Variants in MEIKIN observed in about 807,000 individuals in gnomAD.
MEIKIN encodes the protein meiotic kinetochore factor, also known as meiosis-specific kinetochore protein.
chr5:131,818,372 T>A (rs1773140887), intron 12 of MEIKIN, among the ~76,000 whole-genome samples: 1 of 152,226 alleles, frequency 6.6e-6, no homozygotes, highest in South Asian at 2.1e-4. Context: ...AGTATCTGTC[T>A]TTCAAAAAAT....
At chr5:131,872,123 C>G (rs1355564605) in intron 9 of MEIKIN, among the ~76,000 whole-genome samples, 1 of 152,176 alleles carries the variant, frequency 6.6e-6, no homozygotes, top group Non-Finnish European at 1.5e-5. Context: ...AGCTCCTCAC[C>G]AGCAACGGAA....
chr5:131,822,880 C>A (rs1749543837), intron 11 of MEIKIN, among the ~76,000 whole-genome samples: 1 of 151,120 alleles, frequency 6.6e-6, no homozygotes, highest in Admixed American at 6.6e-5. Context: ...TTGATGAAAT[C>A]CCTCAGCTTT....
intron 5 of MEIKIN, among the ~76,000 whole-genome samples, chr5:131,923,655 T>A (rs1751543654): frequency 6.6e-6 from 1 of 151,960 alleles, no homozygotes; most frequent in African/African-American, 2.4e-5. Context: ...CATAGCATCC[T>A]ATTCTTATTT....
chr5:131,910,027 A>C (rs1411490712), intron 8 of MEIKIN, among the ~76,000 whole-genome samples: 1 of 152,182 alleles, frequency 6.6e-6, no homozygotes, highest in East Asian at 1.9e-4. Flanking sequence ...TCGAAAACAT[A>C]AAAATAGAGG....
intron 8 of MEIKIN, among the ~76,000 whole-genome samples, chr5:131,905,440 C>A (rs1751227546): frequency 6.6e-6 from 1 of 151,168 alleles, no homozygotes; most frequent in Non-Finnish European, 1.5e-5. Context: ...AATAAATAAC[C>A]AAAATCAGAC....
At chr5:131,902,436 TA>T (rs913247184) in intron 8 of MEIKIN, among the ~76,000 whole-genome samples, 62 of 144,812 alleles carry the variant, frequency 4.3e-4, no homozygotes, top group Non-Finnish European at 4.3e-4. Flanking sequence ...TTTCTCAATT[TA>T]AAAAAAAAAA....
rs151239735 is a variant in MEIKIN at position 131,943,293 on chromosome 5, C to T, written c.289-598G>A. Among the ~76,000 whole-genome samples the T allele has an allele frequency of 3.2e-3, 484 of 152,214 alleles. 3 individuals are homozygous for T. Among genetic ancestry groups the T allele is most frequent in the African/African-American group, 0.011 (461 of 41,526 alleles). ...TATCTATCTATTTCATATATATACA[C>T]ACACATATATATAAAAGTTTCAGGT... On this transcript the variant is annotated intron_variant, in intron 3 of 12. Transcript: ENST00000442687.
chr5:131,818,641 A>G (rs1156403992), intron 12 of MEIKIN, 99 bp downstream of exon 12: 2 of 379,158 alleles, frequency 5.3e-6, no homozygotes, highest in Admixed American at 4.5e-5. Flanking sequence ...CTCTTAGAAT[A>G]CAATTTATAA....
chr5:131,870,728 A>C (rs941192948), intron 9 of MEIKIN, among the ~76,000 whole-genome samples: 1 of 152,142 alleles, frequency 6.6e-6, no homozygotes, highest in Non-Finnish European at 1.5e-5. Context: ...TCAACTCTAC[A>C]GGCAAAATTA....
chr5:131,900,811 C>T (rs1298166201), intron 8 of MEIKIN, among the ~76,000 whole-genome samples: 1 of 152,146 alleles, frequency 6.6e-6, no homozygotes, highest in African/African-American at 2.4e-5. Context: ...CCTGTGCTGG[C>T]AGACTGCTCC....
At chr5:131,904,239 C>T (rs1751208468) in intron 8 of MEIKIN, among the ~76,000 whole-genome samples, 1 of 152,166 alleles carries the variant, frequency 6.6e-6, no homozygotes, top group Admixed American at 6.6e-5. Context: ...TAAACACCCA[C>T]TGACAGTATC....
intron 7 of MEIKIN, among the ~76,000 whole-genome samples, chr5:131,912,939 C>A (rs1751353099): frequency 6.6e-6 from 1 of 152,190 alleles, no homozygotes; most frequent in Non-Finnish European, 1.5e-5. Flanking sequence ...TATTTGGAAA[C>A]TACACTTTGG....
intron 11 of MEIKIN, among the ~76,000 whole-genome samples, chr5:131,847,793 A>C (rs1750044033): frequency 6.6e-6 from 1 of 152,116 alleles, no homozygotes; most frequent in African/African-American, 2.4e-5. Flanking sequence ...AAGTCTCAGT[A>C]TATTTTAAAA....
At chr5:131,908,729 A>T (rs1751285493) in intron 8 of MEIKIN, among the ~76,000 whole-genome samples, 1 of 152,218 alleles carries the variant, frequency 6.6e-6, no homozygotes, top group Non-Finnish European at 1.5e-5. Flanking sequence ...AAATTAGCAA[A>T]GTTACTTGAT....
chr5:131,808,790 T>C (rs1306639156), intron 12 of MEIKIN, among the ~76,000 whole-genome samples: 1 of 152,172 alleles, frequency 6.6e-6, no homozygotes, highest in Non-Finnish European at 1.5e-5. Context: ...AAAAAGTAAA[T>C]TTGGGCCAAG....
intron 11 of MEIKIN, among the ~76,000 whole-genome samples, chr5:131,841,372 A>G (rs771549064): frequency 4.6e-5 from 7 of 152,138 alleles, no homozygotes; most frequent in Non-Finnish European, 8.8e-5. Flanking sequence ...TGGGGCACAT[A>G]CTCATCAGCT....
intron 5 of MEIKIN, among the ~76,000 whole-genome samples, chr5:131,928,057 T>A (rs926773654): frequency 2.1e-5 from 3 of 145,920 alleles, no homozygotes; most frequent in African/African-American, 5.1e-5. Context: ...GGCAGGAGAA[T>A]GGCATGAACC....
At chr5:131,908,252 C>T (rs1031287359) in intron 8 of MEIKIN, among the ~76,000 whole-genome samples, 1 of 151,972 alleles carries the variant, frequency 6.6e-6, no homozygotes, top group Admixed American at 6.6e-5. Flanking sequence ...TGAGATTTAC[C>T]CCAGGGACGC....
intron 8 of MEIKIN, among the ~76,000 whole-genome samples, chr5:131,892,487 G>T (rs777762638): frequency 1.1e-4 from 16 of 151,850 alleles, no homozygotes; most frequent in African/African-American, 3.6e-4. Flanking sequence ...ACTGATACCC[G>T]TTCTTCCAGT....
Sources: gnomAD v4.1 joint callset for allele counts (sites outside exome capture counted in the v4.1 genomes callset) on GRCh38, gnomAD v4.1.1 for gene constraint, MANE v1.5 for transcripts, NCBI Gene and HGNC (gene_info 2026-07-23, HGNC 2026-07-21) for gene names.